Variants in DPYD observed in about 807,000 individuals in gnomAD.
The protein encoded by DPYD is dihydropyrimidine dehydrogenase, also known as dihydropyrimidine dehydrogenase [NADP(+)].
In DPYD, 109 loss-of-function variants were observed where a neutral mutation model predicts 116.2. That is an observed-to-expected ratio of 0.94 (90% CI 0.80 to 1.10). The LOEUF (loss-of-function observed/expected upper bound fraction) is 1.10. Among genes scored for constraint, DPYD ranks in the 50% least tolerant of loss-of-function variants. The probability of loss-of-function intolerance (pLI) is 0.00; values close to 1 mark genes in which losing one functional copy is unlikely to be tolerated. For synonymous variants in DPYD, 440 were observed against 432.0 expected, an observed-to-expected ratio of 1.02 and a Z score of -0.23; for missense variants, 1,302 against 1,254.5, an observed-to-expected ratio of 1.04 and a Z score of -0.57.
At chr1:97,571,162 A>G (rs1652868379) in intron 11 of DPYD, among the ~76,000 whole-genome samples, 1 of 152,032 alleles carries the variant, frequency 6.6e-6, no homozygotes, top group Admixed American at 6.6e-5. Flanking sequence ...AAATGAACAA[A>G]TTCTGAACTT....
At chr1:97,512,217 T>C (rs1647853524) in intron 13 of DPYD, among the ~76,000 whole-genome samples, 2 of 151,686 alleles carry the variant, frequency 1.3e-5, no homozygotes. Flanking sequence ...CAGAAACAGC[T>C]ACATAAATAC....
rs910057169 is a variant in DPYD at position 97,367,379 on chromosome 1, T to C, written c.2058+6182A>G. Among the ~76,000 whole-genome samples, 24 of 152,096 alleles carry C rather than the reference T, an allele frequency of 1.6e-4. 1 individual carries two copies. The highest frequency in any genetic ancestry group is 5.3e-4 in the African/African-American group (22 of 41,522). On this transcript the variant is annotated intron_variant, in intron 16 of 22. Coordinates refer to ENST00000370192, the MANE Select transcript of DPYD (RefSeq NM_000110.4). ...GTATTGCTCTGGGTGGTATTTGGAG[T>C]AATAATCTTTAAAAATCAATTTTAA...
At chr1:97,426,496 G>A (rs1310332982) in intron 14 of DPYD, among the ~76,000 whole-genome samples, 2 of 151,990 alleles carry the variant, frequency 1.3e-5, no homozygotes, top group Admixed American at 1.3e-4. Context: ...GAAAGAGTGT[G>A]GCTTAGTCTA....
chr1:97,420,698 C>T (rs1358609544), intron 14 of DPYD, among the ~76,000 whole-genome samples: 1 of 152,106 alleles, frequency 6.6e-6, no homozygotes, highest in Non-Finnish European at 1.5e-5. Flanking sequence ...AGCACTCAGG[C>T]AGTACAGAGC....
At chr1:97,908,513 T>C (rs935923906) in intron 1 of DPYD, among the ~76,000 whole-genome samples, 1 of 151,972 alleles carries the variant, frequency 6.6e-6, no homozygotes, top group African/African-American at 2.4e-5. Context: ...TCCACTCAAT[T>C]TTTTACACCA....
rs72965890 is a variant in DPYD, at chr1:97,178,509, C to G, written c.2622+14560G>C. 9.6e-3 allele frequency among the ~76,000 whole-genome samples: 1,459 copies of G among 152,156 alleles called. 14 individuals carry two copies. The highest frequency in any genetic ancestry group is 0.033 in the African/African-American group (1,354 of 41,524). On this transcript the variant is annotated intron_variant, in intron 20 of 22. Transcript: ENST00000370192. ...AGCCCCTTATGAAACTATCAGATCTCGTGAGAACTCACTCATTCTCATGAG... is the reference window on the plus strand; with the variant it reads ...AGCCCCTTATGAAACTATCAGATCTGGTGAGAACTCACTCATTCTCATGAG...
intron 8 of DPYD, among the ~76,000 whole-genome samples, chr1:97,599,860 C>CAAAAAA (rs56940277): frequency 5.5e-5 from 2 of 36,442 alleles, no homozygotes; most frequent in Non-Finnish European, 4.7e-5. Context: ...CCCATCTCCA[C>CAAAAAA]AAAAAAAAAA....
intron 3 of DPYD, among the ~76,000 whole-genome samples, chr1:97,788,561 T>C (rs1032398109): frequency 1.3e-5 from 2 of 152,140 alleles, no homozygotes; most frequent in Non-Finnish European, 2.9e-5. Flanking sequence ...ATTGACACAA[T>C]TGCAAAAAAT....
At chr1:97,323,484 CGT>C (rs1491238054) in intron 16 of DPYD, among the ~76,000 whole-genome samples, 4 of 113,590 alleles carry the variant, frequency 3.5e-5, no homozygotes, top group East Asian at 5.4e-4. Context: ...TATATATACA[CGT>C]ATATATACAT....
At chr1:97,135,909 A>G (rs1412136529) in intron 20 of DPYD, among the ~76,000 whole-genome samples, 1 of 152,162 alleles carries the variant, frequency 6.6e-6, no homozygotes. Flanking sequence ...ATTCCTCTAC[A>G]ATGGACTATG....
chr1:97,580,414 C>T (rs935145536), intron 10 of DPYD, among the ~76,000 whole-genome samples: 2 of 152,148 alleles, frequency 1.3e-5, no homozygotes, highest in African/African-American at 4.8e-5. Flanking sequence ...GTACCAGAAA[C>T]ATTCAGAGCC....
intron 4 of DPYD, among the ~76,000 whole-genome samples, chr1:97,734,627 C>T (rs774117882): frequency 1.3e-5 from 2 of 152,064 alleles, no homozygotes; most frequent in Non-Finnish European, 2.9e-5. Context: ...TAATTATCTG[C>T]CATGACTCTT....
chr1:97,779,259 T>A (rs865791703), intron 3 of DPYD, among the ~76,000 whole-genome samples: 13 of 151,608 alleles, frequency 8.6e-5, no homozygotes, highest in African/African-American at 2.9e-4. Flanking sequence ...TTTAAGAAGT[T>A]ATATTCAAGT....
At chr1:97,824,674 C>T (rs1269721729) in intron 3 of DPYD, among the ~76,000 whole-genome samples, 2 of 152,068 alleles carry the variant, frequency 1.3e-5, no homozygotes, top group Non-Finnish European at 2.9e-5. Flanking sequence ...GAATTCCATT[C>T]CCCTGTCCTT....
intron 19 of DPYD, among the ~76,000 whole-genome samples, chr1:97,211,400 C>T (rs1234567602): frequency 1.3e-5 from 2 of 152,148 alleles, no homozygotes; most frequent in Non-Finnish European, 2.9e-5. Context: ...CACTATCTGA[C>T]ATTTTTCTTA....
chr1:97,212,117 AATG>A (rs67056212), intron 19 of DPYD, among the ~76,000 whole-genome samples: 37,055 of 145,032 alleles, frequency 0.26, 4,819 homozygotes, highest in South Asian at 0.53. Flanking sequence ...TGTGCAAGGC[AATG>A]ATATTTTTGT....
chr1:97,462,744 C>T (rs1677095880), intron 13 of DPYD, among the ~76,000 whole-genome samples: 1 of 152,192 alleles, frequency 6.6e-6, no homozygotes, highest in Non-Finnish European at 1.5e-5. Context: ...TGAAATGGTC[C>T]TGCAAAGTTG....
intron 20 of DPYD, among the ~76,000 whole-genome samples, chr1:97,148,010 G>A (rs1351320803): frequency 6.6e-6 from 1 of 152,080 alleles, no homozygotes; most frequent in East Asian, 1.9e-4. Context: ...TAAGTGCAAG[G>A]CAAACCAGAT....
intron 18 of DPYD, among the ~76,000 whole-genome samples, chr1:97,254,777 T>C (rs1663341817): frequency 6.6e-6 from 1 of 152,200 alleles, no homozygotes; most frequent in Non-Finnish European, 1.5e-5. Context: ...TTCAACACTA[T>C]ACATGTCATA....
Sources: allele counts gnomAD v4.1 joint callset (sites outside exome capture counted in the v4.1 genomes callset), GRCh38; gene constraint gnomAD v4.1.1; transcripts MANE v1.5; gene names NCBI Gene and HGNC (gene_info 2026-07-23, HGNC 2026-07-21).